PPHLN1: variants seen among roughly 807,000 people sequenced by gnomAD.
PPHLN1 encodes periphilin 1.
A neutral mutation model predicts 51.3 loss-of-function variants in PPHLN1; 29 were observed. That is an observed-to-expected ratio of 0.57 (90% confidence interval 0.42 to 0.77). The LOEUF (loss-of-function observed/expected upper bound fraction) is 0.77, where lower values mean the gene tolerates loss of function less well. Among genes scored for constraint, PPHLN1 ranks in the 30% least tolerant of loss-of-function variants. PPHLN1 has a pLI of 0.00. For synonymous variants in PPHLN1, 147 were observed against 147.8 expected, an observed-to-expected ratio of 0.99 and a Z score of 0.04; for missense variants, 436 against 438.4, an observed-to-expected ratio of 0.99 and a Z score of 0.05.
At chr12:42,442,635 G>A (rs764984946), downstream of PPHLN1, 21 of 1,613,672 alleles carry the variant, frequency 1.3e-5, no homozygotes, top group Non-Finnish European at 1.8e-5. Flanking sequence ...CCGGTCGCTC[G>A]GCCAGAGTCT....
Position 42,342,171 on chromosome 12 carries a change from A to C in PPHLN1, c.72+6197A>C, listed in dbSNP as rs146318782. ...CATGCTTTCTGTCTTTAAACCTATAATTTCTATGAGCTTAGTTATCTGATT... is the reference window on the plus strand; with the variant it reads ...CATGCTTTCTGTCTTTAAACCTATACTTTCTATGAGCTTAGTTATCTGATT... On this transcript the variant is annotated intron_variant, in intron 2 of 9. Transcript: ENST00000358314. Among the ~76,000 whole-genome samples the C allele has an allele frequency of 4.5e-4, 69 of 152,274 alleles. 1 individual carries two copies. The East Asian group carries it at 0.012, about 26-fold the overall frequency.
intron 2 of PPHLN1, chr12:42,351,598 A>AT (rs34117359): frequency 0.29 from 56,694 of 195,828 alleles, 9,939 homozygotes; most frequent in Non-Finnish European, 0.37. Flanking sequence ...TCTTAAGTTT[A>AT]TTTTTTACTA....
At chr12:42,440,724 C>T (rs2082868018) in intron 9 of PPHLN1, among the ~76,000 whole-genome samples, 1 of 152,168 alleles carries the variant, frequency 6.6e-6, no homozygotes, top group African/African-American at 2.4e-5. Context: ...GTTACAGACA[C>T]GCGCCACCGC....
rs1460523905 is a variant in PPHLN1, at chr12:42,355,165, A to G, written c.242A>G (p.Glu81Gly). Residue 81 changes from glutamate (E) to glycine (G), a missense_variant, in exon 4 of 10, where the codon GAA becomes GGA. Glu to Gly is a moderately conservative substitution (Grantham distance 98, BLOSUM62 -2). Transcript: ENST00000358314. ...AGTAGCTTTTTTATGTTACAGGATG[A>G]ATCTGGTTATAGATGGACAAGAGAC... ...RRSGPPHRGD[E>G]SGYRWTRDDH... 1 of 1,613,482 alleles carries G rather than the reference A, an allele frequency of 6.2e-7. No individual in the cohort carries two copies. Among genetic ancestry groups the G allele is most frequent in the African/African-American group, 1.3e-5 (1 of 74,916 alleles).
At chr12:42,434,689 TTTTTGTTTTTG>T (rs1302892214) in intron 9 of PPHLN1, among the ~76,000 whole-genome samples, 1 of 152,056 alleles carries the variant, frequency 6.6e-6, no homozygotes, top group Non-Finnish European at 1.5e-5. Context: ...TTTCTTTATG[TTTTTGTTTTTG>T]TTTTGTTTTT....
At chr12:42,431,893 A>G in intron 9 of PPHLN1, 1 of 1,595,398 alleles carries the variant, frequency 6.3e-7, no homozygotes, top group Non-Finnish European at 8.6e-7. Context: ...ATCCATCAGA[A>G]CAGCATCTTC....
chr12:42,383,005 A>G (rs1361773069), intron 5 of PPHLN1, among the ~76,000 whole-genome samples: 1 of 152,224 alleles, frequency 6.6e-6, no homozygotes, highest in Non-Finnish European at 1.5e-5. Context: ...AAACTTAGAG[A>G]ATTAAAACAA....
chr12:42,364,279 T>A (rs917876189), intron 4 of PPHLN1, among the ~76,000 whole-genome samples: 3 of 152,018 alleles, frequency 2.0e-5, no homozygotes, highest in African/African-American at 7.2e-5. Flanking sequence ...TGAAGTATTA[T>A]ATAATGTTGA....
chr12:42,423,047 A>G (rs1453016462), intron 9 of PPHLN1, among the ~76,000 whole-genome samples: 2 of 152,114 alleles, frequency 1.3e-5, no homozygotes, highest in African/African-American at 2.4e-5. Context: ...TAACATTAGT[A>G]TGTTCATTTT....
Position 42,348,276 on chromosome 12 carries a change from A to ATTTTTTT in PPHLN1, c.73-3590_73-3584dup, listed in dbSNP as rs1213561958. Among the ~76,000 whole-genome samples the ATTTTTTT allele has an allele frequency of 2.5e-3, 218 of 85,594 alleles. 7 individuals carry two copies. Among genetic ancestry groups the ATTTTTTT allele is most frequent in the African/African-American group, 9.8e-3 (200 of 20,330 alleles). 56.2% of individuals were successfully genotyped at this position (85,594 alleles called of 152,430 possible). ...CAGGCATGCACACCTCACCTGGCTA[A>ATTTTTTT]TTTTTTTTTTTTTTTTTTTTTTTTT... On this transcript the variant is annotated intron_variant, in intron 2 of 9. Coordinates refer to ENST00000358314, the MANE Select transcript of PPHLN1 (RefSeq NM_201439.2).
At chr12:42,329,108 T>TG (rs763955228) in intron 1 of PPHLN1, among the ~76,000 whole-genome samples, 3,417 of 124,904 alleles carry the variant, frequency 0.027, 64 homozygotes, top group African/African-American at 0.05. Context: ...TTTTTTTTTT[T>TG]TGTGTGTGTG....
At chr12:42,438,434 G>T (rs1347453255) in intron 9 of PPHLN1, among the ~76,000 whole-genome samples, 1 of 152,036 alleles carries the variant, frequency 6.6e-6, no homozygotes, top group African/African-American at 2.4e-5. Flanking sequence ...ATGTGTAGTG[G>T]TATCTCACTA....
chr12:42,368,395 C>T (rs1184718252), intron 4 of PPHLN1, among the ~76,000 whole-genome samples: 2 of 152,044 alleles, frequency 1.3e-5, no homozygotes, highest in African/African-American at 4.8e-5. Flanking sequence ...TCCATGTATT[C>T]ATGTAAGGTT....
At chr12:42,401,516 G>T (rs2078845110) in intron 9 of PPHLN1, among the ~76,000 whole-genome samples, 1 of 150,956 alleles carries the variant, frequency 6.6e-6, no homozygotes, top group South Asian at 2.1e-4. Flanking sequence ...CATGGGGAGG[G>T]GGGAGGGAGG....
chr12:42,336,000 A>G, intron 2 of PPHLN1, 26 bp downstream of exon 2: 1 of 1,441,494 alleles, frequency 6.9e-7, no homozygotes, highest in Non-Finnish European at 9.4e-7. Context: ...ATATTGAATG[A>G]TTCAAAAACC....
chr12:42,445,049 C>T (rs1407723797), downstream of PPHLN1: 1 of 702,342 alleles, frequency 1.4e-6, no homozygotes. Flanking sequence ...TATTGCAGAA[C>T]CTTGAAACAG....
intron 2 of PPHLN1, among the ~76,000 whole-genome samples, chr12:42,340,334 T>A (rs961933298): frequency 3.8e-4 from 58 of 151,400 alleles, no homozygotes; most frequent in African/African-American, 1.4e-3. Context: ...AAAAAAGATT[T>A]AAAAATATTT....
At chr12:42,406,694 A>T (rs1316567935) in intron 9 of PPHLN1, among the ~76,000 whole-genome samples, 1 of 152,006 alleles carries the variant, frequency 6.6e-6, no homozygotes, top group Non-Finnish European at 1.5e-5. Context: ...TGTGTTGTGG[A>T]TATTTTTCCC....
intron 2 of PPHLN1, among the ~76,000 whole-genome samples, chr12:42,336,465 G>A (rs1337470747): frequency 6.6e-6 from 1 of 152,148 alleles, no homozygotes; most frequent in East Asian, 1.9e-4. Context: ...CTGTCCTGTG[G>A]TCAGGCAGTC....
Sources: allele counts gnomAD v4.1 joint callset (sites outside exome capture counted in the v4.1 genomes callset), GRCh38; gene constraint gnomAD v4.1.1; transcripts MANE v1.5; gene names NCBI Gene and HGNC (gene_info 2026-07-23, HGNC 2026-07-21).